The following SHANK1 variants were observed in gnomAD, a reference collection of about 807,000 sequenced individuals.
SHANK1 encodes the protein SH3 and multiple ankyrin repeat domains protein 1.
In SHANK1, 35 loss-of-function variants were observed where a neutral mutation model predicts 165.6. The observed-to-expected ratio is 0.21, with a 90% CI of 0.16 to 0.28. SHANK1 has a LOEUF of 0.28. Ranked by LOEUF, SHANK1 falls within the 10% of genes least tolerant of loss-of-function variation. SHANK1 has a pLI of 1.00. For synonymous variants in SHANK1, 1,428 were observed against 1,384.8 expected, an observed-to-expected ratio of 1.03 and a Z score of -0.69; for missense variants, 2,681 against 3,036.4, an observed-to-expected ratio of 0.88 and a Z score of 2.75.
rs985588972 is a variant in SHANK1 at position 50,674,427 on chromosome 19, T to C, written c.2578-2313A>G. Among the ~76,000 whole-genome samples the C allele has an allele frequency of 2.6e-5, 4 of 152,158 alleles. No individual in the cohort carries two copies. The South Asian group carries it at 8.3e-4, about 31-fold the overall frequency. On this transcript the variant is annotated intron_variant, in intron 21 of 23. Coordinates refer to ENST00000293441, the MANE Select transcript of SHANK1 (RefSeq NM_016148.5). Reference sequence around the variant, plus strand: ...TGGGATGAACCCTTACTTCCTGCACTTCCCACTATACCCCCTCCTGCCTCT... The same window carrying C: ...TGGGATGAACCCTTACTTCCTGCACCTCCCACTATACCCCCTCCTGCCTCT...
At chr19:50,703,450 A>G (rs1299699451) in intron 11 of SHANK1, 50 bp downstream of exon 11, 2 of 1,461,604 alleles carry the variant, frequency 1.4e-6, no homozygotes, top group East Asian at 2.5e-5. Flanking sequence ...CGATCTGGAG[A>G]GGGGATTTGA....
rs931403513 is a variant in SHANK1, at chr19:50,690,031, G to A, written c.1965-752C>T. Among the ~76,000 whole-genome samples the A allele has an allele frequency of 1.1e-4, 16 of 152,294 alleles. No homozygotes were observed. The highest frequency in any genetic ancestry group is 3.8e-4 in the African/African-American group (16 of 41,560). ...AGTCACAGTGGCCATATTTCCAAGT[G>A]TGCAGAAGCTGCACATGGCTGGTGG... On this transcript the variant is annotated intron_variant, in intron 15 of 23. Transcript: ENST00000293441. The surrounding 1 kb of genome is among the most constrained non-coding windows in gnomAD (Gnocchi z 4.9).
Position 50,668,054 on chromosome 19 carries a change from C to A in SHANK1, c.3906G>T (p.Glu1302Asp). ...MFSAEPYLRL[E>D]SAGSGAGYGG... ...CGTAGCCCGCGCCGCTGCCCGCAGACTCCAGTCGGAGGTAGGGCTCGGCGG... is the reference window on the plus strand; with the variant it reads ...CGTAGCCCGCGCCGCTGCCCGCAGAATCCAGTCGGAGGTAGGGCTCGGCGG... The change falls in exon 23 of 24, where the codon GAG (glutamate) becomes GAT (aspartate). Residue 1302 changes from glutamate (E) to aspartate (D), a missense_variant. This residue lies in a region of SHANK1 where 1,713 missense variants were observed against 1,630.2 expected (regional missense o/e 1.05). Coordinates refer to ENST00000293441, the MANE Select transcript of SHANK1 (RefSeq NM_016148.5). 6.8e-7 allele frequency: 1 copy of A among 1,481,184 alleles called. No individual in the cohort carries two copies. 91.8% of individuals were successfully genotyped at this position (1,481,184 alleles called of 1,614,324 possible).
intron 5 of SHANK1, 64 bp downstream of exon 5, chr19:50,714,118 T>TG: frequency 1.3e-6 from 2 of 1,546,416 alleles, no homozygotes; most frequent in Non-Finnish European, 1.8e-6. Flanking sequence ...TGAATGCAGA[T>TG]GGCACCCCTG....
At position 50,665,875 on chromosome 19, in the gene SHANK1, A is replaced by T. The variant is rs531301878; in HGVS notation, c.5768+317T>A. Among the ~76,000 whole-genome samples the T allele has an allele frequency of 3.7e-4, 47 of 125,660 alleles. No homozygotes were observed. In the South Asian group the frequency reaches 0.012, roughly 31 times the overall value. The allele number at this position is 125,660 out of a possible 152,430, so 82.4% of individuals were successfully genotyped here. On this transcript the variant is annotated intron_variant, in intron 23 of 23. Transcript: ENST00000293441. ...ATGGAGAAACCCCATCTCTACTAAA[A>T]ATACAAAATTAGCTGGGTGTGGTGG...
chr19:50,702,491 G>C lies in SHANK1; in HGVS notation c.1723C>G (p.Leu575Val). 6.2e-7 allele frequency: 1 copy of C among 1,613,036 alleles called. No homozygotes were observed. ...YQAQAEGEIS[L>V]SKGEKIKVLS... ...CCTTTGATCTTCTCGCCCTTGCTCA[G>C]GGAGATCTCCCCCTCGGCTTGGGCC... is the stretch of plus-strand genomic sequence containing the variant. The change falls in exon 12 of 24, where the codon CTG becomes GTG. Residue 575 changes from leucine (L) to valine (V), a missense_variant. By Grantham distance (32) the Leu-to-Val change is conservative. Coordinates refer to ENST00000293441, the MANE Select transcript of SHANK1 (RefSeq NM_016148.5). This position sits in a 1 kb window ranked among gnomAD's most constrained non-coding sequence, Gnocchi z 5.3.
intron 8 of SHANK1, among the ~76,000 whole-genome samples, chr19:50,705,306 C>T (rs1324168677): frequency 6.6e-6 from 1 of 152,098 alleles, no homozygotes; most frequent in Non-Finnish European, 1.5e-5. Flanking sequence ...CCTGCCACTG[C>T]ACTCCAGCCT....
Position 50,691,714 on chromosome 19 carries a change from T to C in SHANK1, c.1965-2435A>G, listed in dbSNP as rs569745946. ...TTTTTTGAGACAGAATCTCACTCTCTTGCCCAGGCTGGAGTGCAGTGGCAC... is the reference window on the plus strand; with the variant it reads ...TTTTTTGAGACAGAATCTCACTCTCCTGCCCAGGCTGGAGTGCAGTGGCAC... On this transcript the variant is annotated intron_variant, in intron 15 of 23. Transcript: ENST00000293441. 8.5e-5 allele frequency among the ~76,000 whole-genome samples: 13 copies of C among 152,320 alleles called. No homozygotes were observed. The South Asian group carries it at 1.7e-3, about 19-fold the overall frequency.
intron 8 of SHANK1, among the ~76,000 whole-genome samples, chr19:50,705,974 T>A (rs1176677567): frequency 6.6e-6 from 1 of 152,054 alleles, no homozygotes; most frequent in East Asian, 1.9e-4. Flanking sequence ...CTGGGCAACA[T>A]GGCGAAACCC....
In SHANK1 at chr19:50,667,699, C is replaced by G. The variant is rs777474349; in HGVS notation, c.4261G>C (p.Gly1421Arg). 1 of 1,346,728 alleles carries G rather than the reference C, an allele frequency of 7.4e-7. No homozygotes were observed. Among genetic ancestry groups the G allele is most frequent in the Non-Finnish European group, 9.5e-7 (1 of 1,055,458 alleles). The allele number at this position is 1,346,728 out of a possible 1,614,324, so 83.4% of individuals were successfully genotyped here. Residue 1421 changes from glycine to arginine, a missense_variant, in exon 23 of 24, where the codon GGG becomes CGG. Physicochemically the swap from Gly to Arg is moderately radical, Grantham distance 125. This residue lies in a region of SHANK1 where 1,713 missense variants were observed against 1,630.2 expected (regional missense o/e 1.05). Transcript: ENST00000293441. This position sits in a 1 kb window ranked among gnomAD's most constrained non-coding sequence, Gnocchi z 5.7. The stretch of plus-strand genomic sequence containing the variant: ...TGGCTGCCCAGCCCGGCCCTGTACC[C>G]CAGCTCCCGGCGCGCAGGGTCCGGC... ...SPPDPARREL[G>R]YRAGLGSQEK...
rs1168021631 is a variant in SHANK1 at position 50,666,254 on chromosome 19, T to G, written c.5706A>C (p.Gly1902=). 2.5e-6 allele frequency: 4 copies of G among 1,610,064 alleles called. No individual in the cohort carries two copies. In the African/African-American group the frequency reaches 5.3e-5, roughly 22 times the overall value. The change falls in exon 23 of 24, where the codon GGA becomes GGC. Residue 1902 remains glycine (G), a synonymous_variant. Transcript: ENST00000293441. ...AGCTGGCTCCCCCGTGGTGGCTGTC[T>G]CCGCCTCCCCCACTGCCTCCTCGGG... is the stretch of plus-strand genomic sequence containing the variant. ...PWARGGSGGG[G]DSHHGGASYV...
intron 12 of SHANK1, among the ~76,000 whole-genome samples, chr19:50,700,985 A>T (rs530308933): frequency 6.6e-6 from 1 of 152,230 alleles, no homozygotes; most frequent in Non-Finnish European, 1.5e-5. Flanking sequence ...CCAGTGACTT[A>T]TGACCTCACC....
At chr19:50,691,675 T>C (rs551642961) in intron 15 of SHANK1, among the ~76,000 whole-genome samples, 1 of 152,264 alleles carries the variant, frequency 6.6e-6, no homozygotes, top group South Asian at 2.1e-4. Context: ...ACTTTATCTA[T>C]GTATTTATTC....
At position 50,670,563 on chromosome 19, in the gene SHANK1, G is replaced by A. The variant is rs888712238; in HGVS notation, c.2675-1278C>T. Among the ~76,000 whole-genome samples the A allele has an allele frequency of 1.4e-4, 21 of 152,208 alleles. No individual in the cohort carries two copies. Among genetic ancestry groups the A allele is most frequent in the Non-Finnish European group, 2.1e-4 (14 of 68,010 alleles). ...TTCACTCACCTCACTCAGGGCAAAGGTTCAAGTCCTCACCATGACTCCCCA... is the reference window on the plus strand; with the variant it reads ...TTCACTCACCTCACTCAGGGCAAAGATTCAAGTCCTCACCATGACTCCCCA... On this transcript the variant is annotated intron_variant, in intron 22 of 23. Transcript: ENST00000293441. This position sits in a 1 kb window ranked among gnomAD's most constrained non-coding sequence, Gnocchi z 4.1.
At chr19:50,687,822 T>A in intron 18 of SHANK1, 101 bp downstream of exon 18, 1 of 1,494,658 alleles carries the variant, frequency 6.7e-7, no homozygotes, top group Non-Finnish European at 9.1e-7. Flanking sequence ...GAAGCAGTGC[T>A]AGGGAAGGGA....
intron 12 of SHANK1, among the ~76,000 whole-genome samples, chr19:50,700,819 C>T (rs1293817113): frequency 6.6e-6 from 1 of 152,110 alleles, no homozygotes; most frequent in Non-Finnish European, 1.5e-5. Context: ...CCATCTCCCC[C>T]AACCCCACGT....
rs779915796 is a variant in SHANK1 at position 50,716,855 on chromosome 19, C to T, written c.65G>A (p.Gly22Glu). ...ERHSASECPE[G>E]GSESDSSPDG... ...TGGGGAGCTGTCGGACTCTGAGCCC[C>T]CCTCGGGACACTCGCTGGCACTGTG... The change falls in exon 2 of 24, where the codon GGG becomes GAG. Residue 22 changes from glycine to glutamate, a missense_variant. This residue lies in a region of SHANK1 where 118 missense variants were observed against 106.9 expected (regional missense o/e 1.10). Transcript: ENST00000293441. The surrounding 1 kb of genome is among the most constrained non-coding windows in gnomAD (Gnocchi z 8.4). 5 of 1,530,468 alleles carry T rather than the reference C, an allele frequency of 3.3e-6. No individual in the cohort carries two copies. The South Asian group carries it at 3.8e-5, about 12-fold the overall frequency. 94.8% of individuals were successfully genotyped at this position (1,530,468 alleles called of 1,614,324 possible).
Position 50,716,212 on chromosome 19 carries a change from G to C in SHANK1, c.459+63C>G. The C allele has an allele frequency of 6.8e-7, 1 of 1,468,144 alleles. No individual in the cohort carries two copies. The highest frequency in any genetic ancestry group is 9.5e-7 in the Non-Finnish European group (1 of 1,052,424). 90.9% of individuals were successfully genotyped at this position (1,468,144 alleles called of 1,614,324 possible). On this transcript the variant is annotated intron_variant, in intron 3 of 23. Coordinates refer to ENST00000293441, the MANE Select transcript of SHANK1 (RefSeq NM_016148.5). This position sits in a 1 kb window ranked among gnomAD's most constrained non-coding sequence, Gnocchi z 8.4. ...GTTTCGAGTGTGTTAAAAAGTGGGT[G>C]GGGGGCAGATGTGTTTTAGGGCATG...
Position 50,716,749 on chromosome 19 carries a change from G to T in SHANK1, c.171C>A (p.Leu57=). Residue 57 remains leucine, a synonymous_variant, in exon 2 of 24, where the codon CTC becomes CTA. Coordinates refer to ENST00000293441, the MANE Select transcript of SHANK1 (RefSeq NM_016148.5). This position sits in a 1 kb window ranked among gnomAD's most constrained non-coding sequence, Gnocchi z 8.4. ...CTGGGACGGACATTGAGCGGCCCTGGAGGCCTCTAACAGAGGCCAGGCTAC... is the reference window on the plus strand; with the variant it reads ...CTGGGACGGACATTGAGCGGCCCTGTAGGCCTCTAACAGAGGCCAGGCTAC... ...APGSLASVRG[L]QGRSMSVPDD... 6.2e-7 allele frequency: 1 copy of T among 1,609,604 alleles called. No homozygotes were observed. The highest frequency in any genetic ancestry group is 1.1e-5 in the South Asian group (1 of 90,708).
Sources: gnomAD v4.1 joint callset for allele counts (sites outside exome capture counted in the v4.1 genomes callset) on GRCh38, gnomAD v4.1.1 for gene constraint, gnomAD v4.1.1 regional missense constraint, Gnocchi (gnomAD v3.1) non-coding constraint, MANE v1.5 for transcripts, NCBI Gene and HGNC (gene_info 2026-07-23, HGNC 2026-07-21) for gene names.